USP54: variants seen among roughly 807,000 people sequenced by gnomAD.
USP54 encodes the protein ubiquitin specific peptidase 54.
Under a neutral mutation model 170.5 loss-of-function variants are expected in USP54, and 87 were observed. That is an observed-to-expected ratio of 0.51 (90% CI 0.43 to 0.61). The LOEUF (loss-of-function observed/expected upper bound fraction) is 0.61. USP54 is among the 20% of genes least tolerant of loss of function. The pLI is 0.00. For missense variants in USP54, 1,786 were observed against 2,047.8 expected (o/e 0.87, Z 2.47); for synonymous variants, 655 against 742.8 (o/e 0.88, Z 1.92).
At position 73,512,849 on chromosome 10, in the gene USP54, A is replaced by T. The variant is rs150667397; in HGVS notation, c.4051+3526T>A. On this transcript the variant is annotated intron_variant, in intron 20 of 23. Transcript: ENST00000687698. ...AGCTAACTGGCCAGTATGTATCAATATTTTTTTTAAGTTTATAACATTCAA... is the reference window on the plus strand; with the variant it reads ...AGCTAACTGGCCAGTATGTATCAATTTTTTTTTTAAGTTTATAACATTCAA... Among the ~76,000 whole-genome samples the T allele has an allele frequency of 3.1e-3, 476 of 152,012 alleles. 1 individual carries two copies. Among genetic ancestry groups the T allele is most frequent in the African/African-American group, 0.011 (457 of 41,488 alleles).
chr10:73,524,047 A>C (rs563714896), intron 16 of USP54, among the ~76,000 whole-genome samples: 1 of 150,900 alleles, frequency 6.6e-6, no homozygotes, highest in African/African-American at 2.4e-5. Flanking sequence ...AGCTGGGACT[A>C]CAGGCACATG....
intron 15 of USP54, 145 bp from the exon 16 acceptor site, chr10:73,526,925 C>T: frequency 2.0e-6 from 2 of 990,154 alleles, no homozygotes; most frequent in South Asian, 1.7e-5. Flanking sequence ...TTGAAATATC[C>T]ACTCATTCTC....
In USP54 at chr10:73,583,138, CAAAG is replaced by C. The variant is rs2077081278; in HGVS notation, c.-581-6781_-581-6778del. 1.3e-5 allele frequency among the ~76,000 whole-genome samples: 2 copies of C among 151,882 alleles called. 1 individual carries two copies. Among genetic ancestry groups the C allele is most frequent in the South Asian group, 4.2e-4 (2 of 4,818 alleles). On this transcript the variant is annotated intron_variant, in intron 1 of 23. Transcript: ENST00000687698. ...ACAAAAATGTCAAGGTTATAAAAGA[CAAAG>C]AAAGACTAAGAAACTTTTACAGAAT...
chr10:73,613,951 TC>T (rs1242343129), intron 1 of USP54: 1 of 150,768 alleles, frequency 6.6e-6, no homozygotes, highest in Non-Finnish European at 1.5e-5. Context: ...ACACCTGTAA[TC>T]CTAGCACTTT....
chr10:73,602,854 T>C (rs1217848414), intron 1 of USP54, among the ~76,000 whole-genome samples: 1 of 55,784 alleles, frequency 1.8e-5, no homozygotes, highest in Non-Finnish European at 2.9e-5. Flanking sequence ...AGACTCTGTC[T>C]CAAAAAAAAA....
intron 4 of USP54, among the ~76,000 whole-genome samples, chr10:73,571,100 T>G (rs1673762794): frequency 7.8e-6 from 1 of 127,902 alleles, no homozygotes; most frequent in Admixed American, 1.0e-4. Flanking sequence ...GTCGCACCAG[T>G]GCACTCCAGA....
intron 1 of USP54, among the ~76,000 whole-genome samples, chr10:73,614,692 G>C (rs1286769146): frequency 6.7e-6 from 1 of 150,194 alleles, no homozygotes; most frequent in East Asian, 1.9e-4. Context: ...CAACAAATAG[G>C]CTTGGGTCAG....
At chr10:73,526,872 C>A in intron 15 of USP54, 92 bp from the exon 16 acceptor site, 2 of 1,305,106 alleles carry the variant, frequency 1.5e-6, no homozygotes, top group Non-Finnish European at 2.1e-6. Context: ...AAAAAAAAAT[C>A]AAACTACACA....
At chr10:73,513,674 A>G (rs921101303) in intron 20 of USP54, among the ~76,000 whole-genome samples, 27 of 152,214 alleles carry the variant, frequency 1.8e-4, no homozygotes, top group African/African-American at 6.3e-4. Context: ...ACAAAACTAT[A>G]TAGTACATGT....
chr10:73,572,697 G>GT (rs1452198029), intron 3 of USP54, among the ~76,000 whole-genome samples: 5 of 152,144 alleles, frequency 3.3e-5, no homozygotes, highest in Non-Finnish European at 1.5e-5. Flanking sequence ...TTTTCAACAT[G>GT]TAACATGATT....
At chr10:73,554,114 T>G (rs756072681) in intron 4 of USP54, among the ~76,000 whole-genome samples, 1 of 152,212 alleles carries the variant, frequency 6.6e-6, no homozygotes, top group Non-Finnish European at 1.5e-5. Context: ...TTTTTTTCTC[T>G]CTCAGGATTT....
chr10:73,575,777 G>A, intron 2 of USP54, 21 bp downstream of exon 2: 2 of 1,321,606 alleles, frequency 1.5e-6, no homozygotes, highest in Non-Finnish European at 2.0e-6. Context: ...AATTTATTTT[G>A]GAAGATTTTG....
At chr10:73,501,561 A>G (rs977138939) in intron 22 of USP54, among the ~76,000 whole-genome samples, 9 of 152,204 alleles carry the variant, frequency 5.9e-5, no homozygotes, top group Non-Finnish European at 1.2e-4. Flanking sequence ...CAATTCCATT[A>G]CTTGCCAAGG....
intron 1 of USP54, among the ~76,000 whole-genome samples, chr10:73,611,914 G>T (rs888782806): frequency 2.0e-5 from 3 of 151,922 alleles, no homozygotes; most frequent in Non-Finnish European, 4.4e-5. Flanking sequence ...TTCCAGACCA[G>T]GCTGCACAAC....
chr10:73,571,334 G>T, intron 4 of USP54, 87 bp downstream of exon 4: 1 of 1,063,094 alleles, frequency 9.4e-7, no homozygotes, highest in Non-Finnish European at 1.4e-6. Context: ...CAAATTCTTT[G>T]GCATCATCCT....
chr10:73,551,249 G>T (rs1048063427), intron 4 of USP54, among the ~76,000 whole-genome samples: 1 of 152,168 alleles, frequency 6.6e-6, no homozygotes, highest in Non-Finnish European at 1.5e-5. Flanking sequence ...TATGATGTGG[G>T]AGAGGCAGTG....
chr10:73,598,421 G>A (rs2078901224), intron 1 of USP54, among the ~76,000 whole-genome samples: 1 of 152,106 alleles, frequency 6.6e-6, no homozygotes, highest in Admixed American at 6.6e-5. Context: ...ATGACCCTGG[G>A]TTAGGCAAAG....
At chr10:73,594,455 G>A (rs2078557155), upstream of USP54, among the ~76,000 whole-genome samples, 2 of 152,098 alleles carry the variant, frequency 1.3e-5, no homozygotes, top group Non-Finnish European at 2.9e-5. Context: ...GCCCAGGCTG[G>A]ATGCAGTGGT....
At position 73,597,932 on chromosome 10, in the gene USP54, A is replaced by T. The variant is rs141900228; in HGVS notation, c.-17-22257T>A. Among the ~76,000 whole-genome samples, 1,151 of 152,172 alleles carry T rather than the reference A, an allele frequency of 7.6e-3. 17 individuals are homozygous for T. The highest frequency in any genetic ancestry group is 0.025 in the African/African-American group (1,047 of 41,518). On this transcript the variant is annotated intron_variant, in intron 1 of 22. Coordinates refer to the USP54 transcript ENST00000339859. ...AAACCCTGTCTCTACTAAATATATA[A>T]AATTAGCTGGGCATGGTGGTGGGGA...
Sources: gnomAD v4.1 joint callset for allele counts (sites outside exome capture counted in the v4.1 genomes callset) on GRCh38, gnomAD v4.1.1 for gene constraint, MANE v1.5 for transcripts, NCBI Gene and HGNC (gene_info 2026-07-23, HGNC 2026-07-21) for gene names.